Variants in CADPS observed in about 807,000 individuals in gnomAD.
The protein encoded by CADPS is calcium-dependent secretion activator 1.
Under a neutral mutation model 167.3 loss-of-function variants are expected in CADPS, and 57 were observed. The observed-to-expected ratio is 0.34, with a 90% CI of 0.28 to 0.42. The LOEUF is 0.42. Among genes scored for constraint, CADPS ranks in the 20% least tolerant of loss-of-function variants. CADPS has a pLI of 1.00. For missense variants in CADPS, 1,414 were observed against 1,738.1 expected (o/e 0.81, Z 3.32); for synonymous variants, 676 against 635.3 (o/e 1.06, Z -0.96).
Position 62,875,106 on chromosome 3 carries a change from G to C in CADPS, c.-77C>G. The C allele has an allele frequency of 7.0e-7, 1 of 1,421,134 alleles. No homozygotes were observed. The highest frequency in any genetic ancestry group is 1.5e-5 in the African/African-American group (1 of 66,542). The allele number at this position is 1,421,134 out of a possible 1,614,324, so 88.0% of individuals were successfully genotyped here. ...GGTGGGGGGCGCTGGAGGCAGCCGG[G>C]GATCAGCTCTCCCGGGTGGGCGCTT... On this transcript the variant is annotated 5_prime_UTR_variant, in exon 1 of 30. Coordinates refer to ENST00000383710, the MANE Select transcript of CADPS (RefSeq NM_003716.4).
chr3:62,872,980 C>T (rs1257703104), intron 1 of CADPS, among the ~76,000 whole-genome samples: 1 of 152,078 alleles, frequency 6.6e-6, no homozygotes, highest in Admixed American at 6.5e-5. Context: ...ACTATTAGGC[C>T]CCGTGGACTC....
At chr3:62,555,923 T>C (rs1449625016) in intron 10 of CADPS, among the ~76,000 whole-genome samples, 1 of 152,072 alleles carries the variant, frequency 6.6e-6, no homozygotes, top group African/African-American at 2.4e-5. Context: ...CTGGTTATTT[T>C]TTAATTTTTT....
At position 62,649,541 on chromosome 3, in the gene CADPS, G is replaced by GTTTTTTTTTTT. The variant is rs1212818484; in HGVS notation, c.1203+1305_1203+1306insAAAAAAAAAAA. On this transcript the variant is annotated intron_variant, in intron 5 of 29. Transcript: ENST00000383710. ...TATCAAGGGAATCATACAATATGTGGTCTTTTTTTTTTTTTTTTTTTTTTT... is the reference window on the plus strand; with the variant it reads ...TATCAAGGGAATCATACAATATGTGGTTTTTTTTTTTTCTTTTTTTTTTTTTTTTTTTTTTT... Among the ~76,000 whole-genome samples the GTTTTTTTTTTT allele has an allele frequency of 2.3e-4, 17 of 75,008 alleles. 1 individual carries two copies. Among genetic ancestry groups the GTTTTTTTTTTT allele is most frequent in the African/African-American group, 6.3e-4 (13 of 20,750 alleles). The allele number at this position is 75,008 out of a possible 152,430, so 49.2% of individuals were successfully genotyped here.
chr3:62,440,251 T>A (rs921893322), intron 27 of CADPS: 2 of 152,122 alleles, frequency 1.3e-5, no homozygotes, highest in African/African-American at 4.8e-5. Flanking sequence ...AGCTCTTCAG[T>A]CACACTGCAT....
intron 26 of CADPS, among the ~76,000 whole-genome samples, chr3:62,448,139 T>C (rs1489028546): frequency 6.6e-6 from 1 of 152,186 alleles, no homozygotes; most frequent in Non-Finnish European, 1.5e-5. Context: ...TTGGAACTCT[T>C]GATCTCCTCA....
At chr3:62,481,634 G>A in intron 22 of CADPS, 89 bp downstream of exon 22, 1 of 1,200,164 alleles carries the variant, frequency 8.3e-7, no homozygotes, top group Non-Finnish European at 1.2e-6. Context: ...CTCCATCTCT[G>A]TTATATAGGA....
Position 62,419,880 on chromosome 3 carries a change from T to C in CADPS, c.3778-16695A>G, listed in dbSNP as rs190470119. Among the ~76,000 whole-genome samples, 7 of 152,218 alleles carry C rather than the reference T, an allele frequency of 4.6e-5. No homozygotes were observed. In the East Asian group the frequency reaches 1.4e-3, roughly 29 times the overall value. On this transcript the variant is annotated intron_variant, in intron 28 of 29. Coordinates refer to ENST00000383710, the MANE Select transcript of CADPS (RefSeq NM_003716.4). ...CCAACTCTGCCGTCTTAAAACAGGG[T>C]TGGCTAATCATATTAGGGCTAATTT...
intron 2 of CADPS, among the ~76,000 whole-genome samples, chr3:62,758,143 G>A (rs987966066): frequency 5.3e-5 from 8 of 152,178 alleles, no homozygotes; most frequent in Non-Finnish European, 1.2e-4. Flanking sequence ...AAATACTTCT[G>A]AATTACCAGT....
intron 9 of CADPS, among the ~76,000 whole-genome samples, chr3:62,562,167 C>A (rs576570100): frequency 1.3e-5 from 2 of 152,144 alleles, no homozygotes; most frequent in Admixed American, 6.5e-5. Flanking sequence ...GAAGCATTGA[C>A]GGATTGAGCC....
intron 1 of CADPS, among the ~76,000 whole-genome samples, chr3:62,807,248 C>A (rs2094146323): frequency 6.6e-6 from 1 of 150,956 alleles, no homozygotes; most frequent in South Asian, 2.1e-4. Context: ...CAATTTAATT[C>A]TTTCATCAAA....
chr3:62,783,744 G>A (rs967512016), intron 1 of CADPS, among the ~76,000 whole-genome samples: 1 of 152,162 alleles, frequency 6.6e-6, no homozygotes, highest in Non-Finnish European at 1.5e-5. Flanking sequence ...ACACGCTCAA[G>A]TACTGTACAA....
intron 1 of CADPS, among the ~76,000 whole-genome samples, chr3:62,797,319 A>G (rs1251791695): frequency 2.0e-5 from 3 of 152,080 alleles, no homozygotes; most frequent in African/African-American, 7.2e-5. Flanking sequence ...CCTCATGGGT[A>G]GAGATCAAGT....
chr3:62,529,682 G>A lies in CADPS; in HGVS notation c.2291+3189C>T, dbSNP rs541076353. Among the ~76,000 whole-genome samples, 82 of 152,294 alleles carry A rather than the reference G, an allele frequency of 5.4e-4. No homozygotes were observed. In the South Asian group the frequency reaches 1.0e-2, roughly 18 times the overall value. On this transcript the variant is annotated intron_variant, in intron 13 of 29. Coordinates refer to ENST00000383710, the MANE Select transcript of CADPS (RefSeq NM_003716.4). ...CTTCCCTATTGGACCCGCATATACTGATTGACAGCCTGCCACATTCTCTAG... is the reference window on the plus strand; with the variant it reads ...CTTCCCTATTGGACCCGCATATACTAATTGACAGCCTGCCACATTCTCTAG...
intron 11 of CADPS, among the ~76,000 whole-genome samples, chr3:62,543,454 TA>T (rs994968443): frequency 2.0e-5 from 3 of 152,056 alleles, no homozygotes; most frequent in African/African-American, 2.4e-5. Flanking sequence ...TTTCATTCTT[TA>T]AAAAAAGTAT....
intron 1 of CADPS, among the ~76,000 whole-genome samples, chr3:62,817,590 A>G (rs950995423): frequency 2.0e-5 from 3 of 152,188 alleles, no homozygotes; most frequent in Admixed American, 6.5e-5. Flanking sequence ...ACAACTTCCA[A>G]ATCTGGAGTT....
chr3:62,561,056 GAGA>G (rs1232175270), intron 9 of CADPS, among the ~76,000 whole-genome samples: 9 of 118,490 alleles, frequency 7.6e-5, no homozygotes, highest in Non-Finnish European at 1.5e-4. Flanking sequence ...TCCAGCCTGG[GAGA>G]AAGAGCGAAA....
intron 1 of CADPS, among the ~76,000 whole-genome samples, chr3:62,801,048 C>T (rs898581646): frequency 1.3e-5 from 2 of 152,062 alleles, no homozygotes; most frequent in African/African-American, 4.8e-5. Context: ...TCCTGGTTTC[C>T]CCACTTGCTA....
intron 6 of CADPS, among the ~76,000 whole-genome samples, chr3:62,604,686 G>T (rs951427618): frequency 6.6e-6 from 1 of 152,212 alleles, no homozygotes; most frequent in African/African-American, 2.4e-5. Flanking sequence ...GCATCCCAAG[G>T]ATCTCCCCCT....
chr3:62,750,320 T>C (rs989013699), intron 3 of CADPS, among the ~76,000 whole-genome samples: 3 of 113,492 alleles, frequency 2.6e-5, no homozygotes, highest in Non-Finnish European at 4.9e-5. Context: ...CACTGCACTC[T>C]ACCCTGAGTG....
Sources: allele counts gnomAD v4.1 joint callset (sites outside exome capture counted in the v4.1 genomes callset), GRCh38; gene constraint gnomAD v4.1.1; transcripts MANE v1.5; gene names NCBI Gene and HGNC (gene_info 2026-07-23, HGNC 2026-07-21).